COL16A1: variants seen among roughly 807,000 people sequenced by gnomAD.
The protein encoded by COL16A1 is collagen alpha-1(XVI) chain.
A neutral mutation model predicts 266.3 loss-of-function variants in COL16A1; 189 were observed. That is an observed-to-expected ratio of 0.71 (90% CI 0.63 to 0.80). The LOEUF (loss-of-function observed/expected upper bound fraction) is 0.80, where lower values mean the gene tolerates loss of function less well. Ranked by LOEUF, COL16A1 falls within the 30% of genes least tolerant of loss-of-function variation. The probability of loss-of-function intolerance (pLI) is 0.00; values close to 1 mark genes in which losing one functional copy is unlikely to be tolerated. For missense variants in COL16A1, 1,928 were observed against 2,122.4 expected (o/e 0.91, Z 1.80); for synonymous variants, 740 against 782.3 (o/e 0.95, Z 0.90).
rs752672348 is a variant in COL16A1, at chr1:31,661,439, C to T, written c.3746G>A (p.Gly1249Glu). ...MGPPGFKGKTGHPGLPGPKGD... is the reference protein window; with the variant it reads ...MGPPGFKGKTEHPGLPGPKGD... ...CTTAGGTCCTGGGAGGCCAGGATGT[C>T]CTGTTTTCCCCTTAAAGCCCTGAAA... Residue 1249 changes from glycine to glutamate, a missense_variant, in exon 60 of 71, where the codon GGA becomes GAA. Transcript: ENST00000373672. 1 of 1,614,114 alleles carries T rather than the reference C, an allele frequency of 6.2e-7. No individual in the cohort carries two copies. The highest frequency in any genetic ancestry group is 2.2e-5 in the East Asian group (1 of 44,890).
Position 31,658,918 on chromosome 1 carries a change from G to A in COL16A1, c.3926C>T (p.Ala1309Val). 1 of 1,553,678 alleles carries A rather than the reference G, an allele frequency of 6.4e-7. No individual in the cohort carries two copies. The highest frequency in any genetic ancestry group is 8.7e-7 in the Non-Finnish European group (1 of 1,148,110). The change falls in exon 63 of 71, where the codon GCA becomes GTA. Residue 1309 changes from alanine (A) to valine (V), a missense_variant. Ala to Val is a moderately conservative substitution (Grantham distance 64). Around this residue, in one of 2 missense-constraint regions of COL16A1, gnomAD observed 376 missense variants for 485.2 expected, o/e 0.77. Coordinates refer to ENST00000373672, the MANE Select transcript of COL16A1 (RefSeq NM_001856.4). Reference sequence around the variant, plus strand: ...GGAGTGGAGCATGTTACTCACCACTGCAGAGATCCCAGCTGGTCCTGGCTG... The same window carrying A: ...GGAGTGGAGCATGTTACTCACCACTACAGAGATCCCAGCTGGTCCTGGCTG... ...PGQPGPAGIS[A>V]VGLKGDRGAT... is the part of the protein sequence containing the mutation.
intron 17 of COL16A1, 57 bp from the exon 18 acceptor site, chr1:31,691,699 A>C: frequency 6.3e-7 from 1 of 1,577,324 alleles, no homozygotes; most frequent in South Asian, 1.2e-5. Flanking sequence ...GCACCGCCCC[A>C]CTGGGAGAGG....
At position 31,688,392 on chromosome 1, in the gene COL16A1, C is replaced by T; in HGVS notation, c.1803+75G>A. 1.3e-6 allele frequency: 2 copies of T among 1,517,524 alleles called. No homozygotes were observed. Among genetic ancestry groups the T allele is most frequent in the South Asian group, 2.2e-5 (2 of 88,974 alleles). 94.0% of individuals were successfully genotyped at this position (1,517,524 alleles called of 1,614,324 possible). On this transcript the variant is annotated intron_variant, in intron 26 of 70. Transcript: ENST00000373672. The surrounding 1 kb of genome is among the most constrained non-coding windows in gnomAD (Gnocchi z 4.9). ...ATCTCTTGTTTATATTACCCTTATT[C>T]CCCGCCCGCACCACTCCTCCCCTGC...
chr1:31,652,704 G>A lies in COL16A1; in HGVS notation c.4762C>T (p.Pro1588Ser). Residue 1588 changes from proline (P) to serine (S), a missense_variant, in exon 71 of 71, where the codon CCG (proline) becomes TCG (serine). Pro to Ser is a moderately conservative substitution (Grantham distance 74). This residue lies in a region of COL16A1 where 376 missense variants were observed against 485.2 expected (regional missense o/e 0.77). Transcript: ENST00000373672. The surrounding 1 kb of genome is among the most constrained non-coding windows in gnomAD (Gnocchi z 4.8). Reference sequence around the variant, plus strand: ...ATGGGTGGGTACTGCTGCTCCATCGGCATGGCCCCAAAGCAGTCAGAGGGA... The same window carrying A: ...ATGGGTGGGTACTGCTGCTCCATCGACATGGCCCCAAAGCAGTCAGAGGGA... ...CNPSDCFGAM[P>S]MEQQYPPMKT... 1.2e-6 allele frequency: 2 copies of A among 1,606,060 alleles called. No individual in the cohort carries two copies. Among genetic ancestry groups the A allele is most frequent in the Admixed American group, 1.7e-5 (1 of 57,446 alleles).
chr1:31,684,684 G>A (rs763392864), intron 30 of COL16A1, 54 bp from the exon 31 acceptor site: 1 of 1,607,510 alleles, frequency 6.2e-7, no homozygotes, highest in Non-Finnish European at 8.5e-7. Context: ...GGGGCAGGTT[G>A]CCCCCCTGGG....
Position 31,661,037 on chromosome 1 carries a change from A to G in COL16A1, c.3825+29T>C. On this transcript the variant is annotated intron_variant, in intron 61 of 70. Transcript: ENST00000373672. ...TCTGCAGAGTCTGAAGGCAAACTGA[A>G]GGCAGCCATGTGGATCCCTGGCCCT... 2 of 1,550,624 alleles carry G rather than the reference A, an allele frequency of 1.3e-6. 1 individual carries two copies. Among genetic ancestry groups the G allele is most frequent in the South Asian group, 2.4e-5 (2 of 83,632 alleles).
At chr1:31,667,446 C>G in intron 52 of COL16A1, 129 bp downstream of exon 52, 1 of 732,972 alleles carries the variant, frequency 1.4e-6, no homozygotes, top group Non-Finnish European at 2.2e-6. Flanking sequence ...GCCTGTGCTG[C>G]AGGCTTGGGG....
chr1:31,694,229 A>G (rs1327577260), intron 11 of COL16A1, 59 bp from the exon 12 acceptor site: 15 of 1,458,722 alleles, frequency 1.0e-5, no homozygotes, highest in Non-Finnish European at 1.4e-5. Flanking sequence ...CCAGGGGCCC[A>G]GAGAAGTCAA....
At position 31,689,921 on chromosome 1, in the gene COL16A1, G is replaced by A. The variant is rs947985129; in HGVS notation, c.1510-70C>T. The A allele has an allele frequency of 5.0e-5, 67 of 1,334,754 alleles. No homozygotes were observed. In the African/African-American group the frequency reaches 8.8e-4, roughly 18 times the overall value. The allele number at this position is 1,334,754 out of a possible 1,614,324, so 82.7% of individuals were successfully genotyped here. A position where few individuals can be genotyped will look rare whatever the true frequency, so the allele number is the denominator to read the frequency against. On this transcript the variant is annotated intron_variant, in intron 22 of 70. Transcript: ENST00000373672. ...CCCCAGGGAAGGCAAGGGGCCTCTT[G>A]CGCAGACCAGCCCTAGACATTGGGT...
At chr1:31,691,974 G>A in intron 17 of COL16A1, 31 bp downstream of exon 17, 2 of 1,613,522 alleles carry the variant, frequency 1.2e-6, no homozygotes, top group Non-Finnish European at 1.7e-6. Flanking sequence ...CGTGCTGTGG[G>A]TTGTGGTGGG....
In COL16A1 at chr1:31,688,888, G is replaced by A; in HGVS notation, c.1740C>T (p.Ser580=). The change falls in exon 25 of 71, where the codon TCC becomes TCT. Residue 580 remains serine (S), a synonymous_variant. Transcript: ENST00000373672. This position sits in a 1 kb window ranked among gnomAD's most constrained non-coding sequence, Gnocchi z 4.9. The part of the protein sequence containing the change: ...SSTGASGDVG[S]PGFGLPGLPG... The stretch of plus-strand genomic sequence containing the variant: ...GAAGGCCAGGCAGACCAAAGCCAGG[G>A]GAACCCACATCTCCACTGGCCCCTG... 3 of 1,614,038 alleles carry A rather than the reference G, an allele frequency of 1.9e-6. No individual in the cohort carries two copies. Among genetic ancestry groups the A allele is most frequent in the East Asian group, 2.2e-5 (1 of 44,870 alleles).
rs376063381 is a variant in COL16A1, at chr1:31,683,897, C to T, written c.2337+53G>A. On this transcript the variant is annotated intron_variant, in intron 33 of 70. Transcript: ENST00000373672. ...CCACTGCCCCCATGGATCTCCCTAT[C>T]CCACCCCTGCCCTCACGTAGCTACG... 10 of 1,612,676 alleles carry T rather than the reference C, an allele frequency of 6.2e-6. No individual in the cohort carries two copies. The African/African-American group carries it at 9.3e-5, about 15-fold the overall frequency.
intron 40 of COL16A1, 88 bp downstream of exon 40, chr1:31,679,954 C>T (rs1643496220): frequency 6.3e-7 from 1 of 1,578,364 alleles, no homozygotes. Context: ...GTGCGTGGCC[C>T]TGCGGGGCCT....
intron 9 of COL16A1, 127 bp downstream of exon 9, chr1:31,695,960 TA>T: frequency 9.7e-7 from 1 of 1,029,456 alleles, no homozygotes; most frequent in Non-Finnish European, 1.5e-6. Context: ...CTACATGTCC[TA>T]AGCTCTGTCC....
chr1:31,695,918 C>T, intron 9 of COL16A1, 131 bp from the exon 10 acceptor site: 1 of 981,310 alleles, frequency 1.0e-6, no homozygotes, highest in Non-Finnish European at 1.6e-6. Flanking sequence ...TCTGTCTCAC[C>T]CCCATCCGTC....
At chr1:31,673,968 G>A (rs1441065460) in intron 44 of COL16A1, among the ~76,000 whole-genome samples, 1 of 152,246 alleles carries the variant, frequency 6.6e-6, no homozygotes, top group Non-Finnish European at 1.5e-5. Flanking sequence ...CCTGGATTTG[G>A]AGTCACACGA....
chr1:31,675,339 T>C lies in COL16A1; in HGVS notation c.2773-28A>G, dbSNP rs780358619. The C allele has an allele frequency of 6.5e-5, 104 of 1,611,084 alleles. 1 individual carries two copies. The highest frequency in any genetic ancestry group is 8.6e-5 in the Non-Finnish European group (101 of 1,178,822). On this transcript the variant is annotated intron_variant, in intron 42 of 70. Transcript: ENST00000373672. ...GTAGCCAAGAAGAGACACGAGTGAG[T>C]GGGCTCCATCTCTCTAGCCTGCTGG...
chr1:31,700,225 C>A, intron 2 of COL16A1, 110 bp from the exon 3 acceptor site: 1 of 989,644 alleles, frequency 1.0e-6, no homozygotes, highest in Admixed American at 2.0e-5. Context: ...TCACTCTGGA[C>A]CATCAGCTAG....
At position 31,679,792 on chromosome 1, in the gene COL16A1, C is replaced by T. The variant is rs1256182085; in HGVS notation, c.2718+12G>A. ...CGGGGCGCTGGCGGACAAGAGGAGA[C>T]AAGCGACACACCTGCGGGCCCGGCT... On this transcript the variant is annotated intron_variant, in intron 41 of 70. Coordinates refer to ENST00000373672, the MANE Select transcript of COL16A1 (RefSeq NM_001856.4). 16 of 1,573,942 alleles carry T rather than the reference C, an allele frequency of 1.0e-5. No individual in the cohort carries two copies. Among genetic ancestry groups the T allele is most frequent in the Non-Finnish European group, 1.4e-5 (16 of 1,160,514 alleles).
Sources: gnomAD v4.1 joint callset for allele counts (sites outside exome capture counted in the v4.1 genomes callset) on GRCh38, gnomAD v4.1.1 for gene constraint, gnomAD v4.1.1 regional missense constraint, Gnocchi (gnomAD v3.1) non-coding constraint, MANE v1.5 for transcripts, NCBI Gene and HGNC (gene_info 2026-07-23, HGNC 2026-07-21) for gene names.